Variants in TNRC18 observed in about 807,000 individuals in gnomAD.
TNRC18 encodes trinucleotide repeat containing 18.
TNRC18 carries 69 observed loss-of-function variants against 226.7 expected under a neutral mutation model. The ratio of observed to expected loss-of-function variants is 0.30; its 90% CI spans 0.25 to 0.37. The LOEUF is 0.37. Ranked by LOEUF, TNRC18 falls within the 10% of genes least tolerant of loss-of-function variation. The pLI, the probability that TNRC18 is intolerant of heterozygous loss-of-function variation, is 1.00. For synonymous variants in TNRC18, 2,449 were observed against 1,927.6 expected, an observed-to-expected ratio of 1.27 and a Z score of -7.09; for missense variants, 4,754 against 4,256.6, an observed-to-expected ratio of 1.12 and a Z score of -3.25.
chr7:5,323,653 C>G (rs527896799), intron 21 of TNRC18, among the ~76,000 whole-genome samples: 1 of 151,176 alleles, frequency 6.6e-6, no homozygotes, highest in East Asian at 2.0e-4. Context: ...CCGCAACCTC[C>G]GCCTCCTGGT....
rs780265378 is a variant in TNRC18, at chr7:5,376,157, G to A, written c.2676C>T (p.Pro892=). 9 of 1,582,204 alleles carry A rather than the reference G, an allele frequency of 5.7e-6. No individual in the cohort carries two copies. In the African/African-American group the frequency reaches 1.1e-4, roughly 19 times the overall value. Residue 892 remains proline (P), a synonymous_variant, in exon 9 of 30, where the codon CCC becomes CCT. Coordinates refer to ENST00000430969, the MANE Select transcript of TNRC18 (RefSeq NM_001080495.3). ...GCTGCAGCTGCTGGGCGTGGTGCAG[G>A]GGGCTGCGGCCCGGCGGGTACAGGG... ...WPALYPPGRS[P]LHHAQQLQLF...
At chr7:5,411,872 T>A (rs2128219259) in intron 2 of TNRC18, among the ~76,000 whole-genome samples, 1 of 151,516 alleles carries the variant, frequency 6.6e-6, no homozygotes, top group East Asian at 1.9e-4. Flanking sequence ...ATATGACAAG[T>A]GAAAAAAATG....
rs1236360067 is a variant in TNRC18, at chr7:5,394,750, C to T, written c.188-155G>A. On this transcript the variant is annotated intron_variant, in intron 2 of 29. Transcript: ENST00000430969. This position sits in a 1 kb window ranked among gnomAD's most constrained non-coding sequence, Gnocchi z 4.5. ...GAGACCAAAGAGGGTTCCCCTGCTCCGGCCCCACCCCTGGGCTGCAAGATG... is the reference window on the plus strand; with the variant it reads ...GAGACCAAAGAGGGTTCCCCTGCTCTGGCCCCACCCCTGGGCTGCAAGATG... 1.3e-5 allele frequency among the ~76,000 whole-genome samples: 2 copies of T among 151,960 alleles called. No individual in the cohort carries two copies. Among genetic ancestry groups the T allele is most frequent in the African/African-American group, 2.4e-5 (1 of 41,366 alleles).
chr7:5,376,242 G>A lies in TNRC18; in HGVS notation c.2609-18C>T. The stretch of plus-strand genomic sequence containing the variant: ...CAGCTCCGCTGCAGGGACAGAGACA[G>A]TGCGCTGCACCTGCGGCCTGATGCT... On this transcript the variant is annotated intron_variant, in intron 8 of 29. Transcript: ENST00000430969. 6.8e-7 allele frequency: 1 copy of A among 1,466,778 alleles called. No individual in the cohort carries two copies. Among genetic ancestry groups the A allele is most frequent in the Non-Finnish European group, 9.0e-7 (1 of 1,113,742 alleles). The allele number at this position is 1,466,778 out of a possible 1,614,324, so 90.9% of individuals were successfully genotyped here. A position where few individuals can be genotyped will look rare whatever the true frequency, so the allele number is the denominator to read the frequency against.
At chr7:5,379,628 T>TC (rs1334846030) in intron 5 of TNRC18, among the ~76,000 whole-genome samples, 1 of 152,156 alleles carries the variant, frequency 6.6e-6, no homozygotes, top group Admixed American at 6.5e-5. Flanking sequence ...TCCTGGTACC[T>TC]CCTTGTCCCT....
intron 2 of TNRC18, among the ~76,000 whole-genome samples, chr7:5,398,060 G>T (rs1199252229): frequency 1.3e-5 from 2 of 152,062 alleles, no homozygotes; most frequent in Non-Finnish European, 2.9e-5. Context: ...CAGTGCAGTG[G>T]CTCGATCATA....
chr7:5,306,975 G>A lies in TNRC18; in HGVS notation c.*1131C>T, dbSNP rs1786580863. 6.6e-6 allele frequency: 1 copy of A among 151,406 alleles called. No homozygotes were observed. The highest frequency in any genetic ancestry group is 1.5e-5 in the Non-Finnish European group (1 of 67,908). 9.4% of individuals were successfully genotyped at this position (151,406 alleles called of 1,614,324 possible). ...GTTGAGGCCTTGGTTTCCCTTGAAG[G>A]CTTGGGGCCTGGTTAAGTGCTTTCT... On this transcript the variant is annotated 3_prime_UTR_variant, in exon 30 of 30. Transcript: ENST00000430969.
chr7:5,369,486 G>A (rs1793947436), intron 11 of TNRC18, among the ~76,000 whole-genome samples: 1 of 152,172 alleles, frequency 6.6e-6, no homozygotes. Flanking sequence ...GACCTGGGAG[G>A]AACTGACAGA....
intron 18 of TNRC18, 43 bp downstream of exon 18, chr7:5,345,519 C>CCCCCCCCCCCCCCCCCCCCCCCACCCCA: frequency 5.7e-6 from 1 of 174,076 alleles, no homozygotes; most frequent in Non-Finnish European, 1.2e-5. Flanking sequence ...TGGCGTCCGC[C>CCCCCCCCCCCCCCCCCCCCCCCACCCCA]CCTCCCACCC....
In TNRC18 at chr7:5,307,981, C is replaced by A; in HGVS notation, c.*125G>T. 1 of 858,412 alleles carries A rather than the reference C, an allele frequency of 1.2e-6. No homozygotes were observed. Among genetic ancestry groups the A allele is most frequent in the Non-Finnish European group, 1.8e-6 (1 of 556,136 alleles). 53.2% of individuals were successfully genotyped at this position (858,412 alleles called of 1,614,324 possible). ...CCGGGCATCCACGTGCACACCTGGC[C>A]CCATGCACACGCCTGCAGGAGCGCT... On this transcript the variant is annotated 3_prime_UTR_variant, in exon 30 of 30. Transcript: ENST00000430969.
intron 17 of TNRC18, among the ~76,000 whole-genome samples, chr7:5,349,315 G>C (rs1449470457): frequency 2.6e-5 from 4 of 152,238 alleles, no homozygotes; most frequent in Non-Finnish European, 2.9e-5. Context: ...AACCTTTCTG[G>C]AGTTGTCCAC....
At chr7:5,422,762 A>C (rs910542493) in intron 1 of TNRC18, 4 of 152,148 alleles carry the variant, frequency 2.6e-5, no homozygotes, top group Non-Finnish European at 2.9e-5. Context: ...TTTTGGTTAC[A>C]AACACCCCCT....
At chr7:5,326,350 C>T (rs1352561120) in intron 19 of TNRC18, among the ~76,000 whole-genome samples, 1 of 152,182 alleles carries the variant, frequency 6.6e-6, no homozygotes, top group Non-Finnish European at 1.5e-5. Context: ...TAACAGCAGC[C>T]TATTGAGCCA....
Position 5,387,880 on chromosome 7 carries a change from G to C in TNRC18, c.1944C>G (p.Gly648=), listed in dbSNP as rs1779918702. The C allele has an allele frequency of 6.3e-7, 1 of 1,590,494 alleles. No individual in the cohort carries two copies. Among genetic ancestry groups the C allele is most frequent in the South Asian group, 1.1e-5 (1 of 89,202 alleles). ...TCTCGGGGTCCCGCTTCAGCTGCCG[G>C]CCGCCGCCCGCTGCAGGGCCTCCGG... ...PHSGGPAAGG[G]RQLKRDPERP... is the part of the protein sequence containing the mutation. Residue 648 remains glycine (G), a synonymous_variant, in exon 5 of 30, where the codon GGC becomes GGG. Transcript: ENST00000430969.
intron 14 of TNRC18, among the ~76,000 whole-genome samples, chr7:5,360,146 G>A (rs1014622739): frequency 6.6e-6 from 1 of 152,184 alleles, no homozygotes; most frequent in Non-Finnish European, 1.5e-5. Flanking sequence ...CTCACTGTGT[G>A]TCTTGCACTG....
intron 3 of TNRC18, among the ~76,000 whole-genome samples, chr7:5,390,854 C>CA (rs1178967227): frequency 2.0e-5 from 3 of 152,156 alleles, no homozygotes; most frequent in South Asian, 2.1e-4. Context: ...CAGTCCCCCC[C>CA]AGAAAGAGGA....
At chr7:5,422,373 T>C (rs1782636789) in intron 1 of TNRC18, among the ~76,000 whole-genome samples, 1 of 118,218 alleles carries the variant, frequency 8.5e-6, no homozygotes, top group African/African-American at 3.3e-5. Flanking sequence ...AAAGAAAGCC[T>C]TTGCAACGCG....
At chr7:5,385,548 G>A (rs1779710783) in intron 5 of TNRC18, among the ~76,000 whole-genome samples, 1 of 151,910 alleles carries the variant, frequency 6.6e-6, no homozygotes, top group African/African-American at 2.4e-5. Flanking sequence ...GCCGGGCATG[G>A]TGGCGGGTGC....
chr7:5,393,825 T>A (rs894134791), intron 3 of TNRC18, among the ~76,000 whole-genome samples: 6 of 152,096 alleles, frequency 3.9e-5, no homozygotes, highest in African/African-American at 1.4e-4. Flanking sequence ...GGGGCATGGC[T>A]GCAGAAATGC....
Sources: allele counts gnomAD v4.1 joint callset (sites outside exome capture counted in the v4.1 genomes callset), GRCh38; gene constraint gnomAD v4.1.1; non-coding constraint Gnocchi (gnomAD v3.1); transcripts MANE v1.5; gene names NCBI Gene and HGNC (gene_info 2026-07-23, HGNC 2026-07-21).